UBN2: variants seen among roughly 807,000 people sequenced by gnomAD.
UBN2 encodes the protein ubinuclein-2.
In UBN2, 35 loss-of-function variants were observed where a neutral mutation model predicts 120.2. That is an observed-to-expected ratio of 0.29 (90% CI 0.22 to 0.39). The LOEUF (loss-of-function observed/expected upper bound fraction) is 0.39. UBN2 is among the 10% of genes least tolerant of loss of function. The probability of loss-of-function intolerance (pLI) is 1.00; values close to 1 mark genes in which losing one functional copy is unlikely to be tolerated. For missense variants in UBN2, 1,693 were observed against 1,663.2 expected (o/e 1.02, Z -0.31); for synonymous variants, 661 against 648.7 (o/e 1.02, Z -0.29).
At chr7:139,292,941 G>T (rs1264881548) in intron 15 of UBN2, among the ~76,000 whole-genome samples, 1 of 152,210 alleles carries the variant, frequency 6.6e-6, no homozygotes, top group Non-Finnish European at 1.5e-5. Context: ...AGCTGAAATT[G>T]CATGGAATTA....
the UBN2 span, among the ~76,000 whole-genome samples, chr7:139,316,196 T>C: frequency 6.6e-6 from 1 of 151,608 alleles, no homozygotes; most frequent in Non-Finnish European, 1.5e-5. Context: ...GTATAAGTGG[T>C]ATCTTGTTAT....
the UBN2 span, among the ~76,000 whole-genome samples, chr7:139,315,582 A>G: frequency 3.3e-5 from 5 of 152,310 alleles, no homozygotes; most frequent in South Asian, 6.2e-4. Context: ...GCAATTATGA[A>G]TAATGCTCCT....
chr7:139,312,202 C>CT (rs1554481082), downstream of UBN2, among the ~76,000 whole-genome samples: 1 of 152,236 alleles, frequency 6.6e-6, no homozygotes, highest in Non-Finnish European at 1.5e-5. Context: ...AGGCACCACT[C>CT]TAACTTTTTT....
At chr7:139,324,666 G>A in the UBN2 span, among the ~76,000 whole-genome samples, 2 of 150,040 alleles carry the variant, frequency 1.3e-5, no homozygotes, top group African/African-American at 2.5e-5. Flanking sequence ...CTGAAATAAC[G>A]TGCTAAAGAT....
chr7:139,250,524 G>A (rs1796595076), intron 2 of UBN2, among the ~76,000 whole-genome samples: 1 of 151,236 alleles, frequency 6.6e-6, no homozygotes, highest in African/African-American at 2.4e-5. Flanking sequence ...ATGAGGCACT[G>A]CGTCCGGCCC....
intron 2 of UBN2, among the ~76,000 whole-genome samples, chr7:139,249,010 CTGTGTGTG>C (rs559214097): frequency 5.4e-5 from 8 of 147,648 alleles, no homozygotes; most frequent in East Asian, 2.0e-4. Context: ...TTTATTACAT[CTGTGTGTG>C]TGTGTGTGTG....
At chr7:139,317,129 C>T in the UBN2 span, among the ~76,000 whole-genome samples, 3 of 151,930 alleles carry the variant, frequency 2.0e-5, no homozygotes, top group Non-Finnish European at 4.4e-5. Flanking sequence ...TTTTCCTTCT[C>T]TATTCTGTTT....
the UBN2 span, among the ~76,000 whole-genome samples, chr7:139,313,971 C>T: frequency 4.8e-4 from 73 of 151,582 alleles, no homozygotes; most frequent in Non-Finnish European, 6.0e-4. Flanking sequence ...GCCTCAGCCT[C>T]CCAAGTAGCT....
At position 139,274,039 on chromosome 7, in the gene UBN2, G is replaced by A; in HGVS notation, c.1938G>A (p.Val646=). ...DYLKSFMETE[V]KPLWPKGWMQ... ...TTAAGTCTTTTATGGAGACAGAAGT[G>A]AAGCCCCTGTGGCCTAAGGGCTGGA... Residue 646 remains valine, a synonymous_variant, in exon 11 of 18, where the codon GTG becomes GTA. Coordinates refer to ENST00000473989, the MANE Select transcript of UBN2 (RefSeq NM_173569.4). The A allele has an allele frequency of 6.2e-7, 1 of 1,612,702 alleles. No individual in the cohort carries two copies. The highest frequency in any genetic ancestry group is 8.5e-7 in the Non-Finnish European group (1 of 1,179,604).
At chr7:139,265,274 C>G (rs573846548) in intron 6 of UBN2, among the ~76,000 whole-genome samples, 25 of 151,844 alleles carry the variant, frequency 1.6e-4, no homozygotes, top group Non-Finnish European at 2.2e-4. Flanking sequence ...GGCAGGAGAT[C>G]AAGACCATCC....
chr7:139,306,094 A>C lies in UBN2; in HGVS notation c.*8258A>C, dbSNP rs1377529176. On this transcript the variant is annotated 3_prime_UTR_variant, in exon 18 of 18. Transcript: ENST00000473989. ...GCACTAATGGAAACCTAATAAATAC[A>C]AACAAGATAACTATTACCCAAGATA... 6.6e-6 allele frequency: 1 copy of C among 152,244 alleles called. No individual in the cohort carries two copies. Among genetic ancestry groups the C allele is most frequent in the Non-Finnish European group, 1.5e-5 (1 of 68,042 alleles). The allele number at this position is 152,244 out of a possible 1,614,324, so 9.4% of individuals were successfully genotyped here.
chr7:139,283,280 T>A lies in UBN2; in HGVS notation c.2375T>A (p.Met792Lys). Residue 792 changes from methionine (M) to lysine (K), a missense_variant, in exon 15 of 18, where the codon ATG becomes AAG. By Grantham distance (95) the Met-to-Lys change is moderately conservative. Coordinates refer to ENST00000473989, the MANE Select transcript of UBN2 (RefSeq NM_173569.4). ...CCTCCAGTTGGCTCAAGGATAAGCA[T>A]GCCAACCACAAAGCCTCGTCCAGGA... Reference protein sequence around the residue: ...KGPPVGSRISMPTTKPRPGLR... With the variant: ...KGPPVGSRISKPTTKPRPGLR... 1.2e-6 allele frequency: 2 copies of A among 1,613,860 alleles called. No individual in the cohort carries two copies. Among genetic ancestry groups the A allele is most frequent in the Non-Finnish European group, 1.7e-6 (2 of 1,179,986 alleles).
chr7:139,300,026 A>G lies in UBN2; in HGVS notation c.*2190A>G, dbSNP rs1798216640. ...TTCATATAAATGACTAGTTTGAGTC[A>G]AAAAATCATTTGAATTTCTTAAAAC... On this transcript the variant is annotated 3_prime_UTR_variant, in exon 18 of 18. Coordinates refer to ENST00000473989, the MANE Select transcript of UBN2 (RefSeq NM_173569.4). 1 of 152,182 alleles carries G rather than the reference A, an allele frequency of 6.6e-6. No individual in the cohort carries two copies. Among genetic ancestry groups the G allele is most frequent in the African/African-American group, 2.4e-5 (1 of 41,448 alleles). The allele number at this position is 152,182 out of a possible 1,614,324, so 9.4% of individuals were successfully genotyped here. A position where few individuals can be genotyped will look rare whatever the true frequency, so the allele number is the denominator to read the frequency against.
intron 6 of UBN2, among the ~76,000 whole-genome samples, chr7:139,265,367 A>G (rs372954007): frequency 6.6e-5 from 10 of 151,960 alleles, no homozygotes; most frequent in African/African-American, 2.4e-4. Context: ...AGTCCCAGCT[A>G]CTTGGGAGGC....
chr7:139,271,584 C>CAA (rs1367288138), intron 8 of UBN2, among the ~76,000 whole-genome samples: 5 of 85,296 alleles, frequency 5.9e-5, no homozygotes, highest in Admixed American at 1.1e-4. Flanking sequence ...ACTCTGTCTC[C>CAA]AAAAAAAAAA....
the UBN2 span, among the ~76,000 whole-genome samples, chr7:139,321,840 C>T: frequency 6.6e-6 from 1 of 152,088 alleles, no homozygotes; most frequent in Non-Finnish European, 1.5e-5. Flanking sequence ...CCAGCAAGGC[C>T]GGAGGAGGCA....
At chr7:139,291,631 G>A (rs927232466) in intron 15 of UBN2, among the ~76,000 whole-genome samples, 7 of 151,968 alleles carry the variant, frequency 4.6e-5, no homozygotes, top group Non-Finnish European at 8.8e-5. Flanking sequence ...TGTGAGGATC[G>A]CTGGAGCCCA....
chr7:139,269,112 G>A (rs1438263331), intron 7 of UBN2, among the ~76,000 whole-genome samples: 2 of 152,100 alleles, frequency 1.3e-5, no homozygotes, highest in Non-Finnish European at 2.9e-5. Context: ...GGGAGGCTGA[G>A]GTAGGAGAAT....
In UBN2 at chr7:139,303,976, A is replaced by C. The variant is rs1450969115; in HGVS notation, c.*6140A>C. 1 of 152,174 alleles carries C rather than the reference A, an allele frequency of 6.6e-6. No homozygotes were observed. Among genetic ancestry groups the C allele is most frequent in the Non-Finnish European group, 1.5e-5 (1 of 68,026 alleles). 9.4% of individuals were successfully genotyped at this position (152,174 alleles called of 1,614,324 possible). On this transcript the variant is annotated 3_prime_UTR_variant, in exon 18 of 18. Transcript: ENST00000473989. Reference sequence around the variant, plus strand: ...ATGATGCTTGGTTATTGGAGTTGATAAATGATCCTGGAAGTTTTAACTGTC... The same window carrying C: ...ATGATGCTTGGTTATTGGAGTTGATCAATGATCCTGGAAGTTTTAACTGTC...
Sources: gnomAD v4.1 joint callset for allele counts (sites outside exome capture counted in the v4.1 genomes callset) on GRCh38, gnomAD v4.1.1 for gene constraint, MANE v1.5 for transcripts, NCBI Gene and HGNC (gene_info 2026-07-23, HGNC 2026-07-21) for gene names.